The following CTBS variants were observed in gnomAD, a reference collection of about 807,000 sequenced individuals.
CTBS encodes di-N-acetylchitobiase.
A neutral mutation model predicts 44.3 loss-of-function variants in CTBS; 35 were observed. The ratio of observed to expected loss-of-function variants is 0.79; its 90% CI spans 0.60 to 1.05. The LOEUF (loss-of-function observed/expected upper bound fraction) is 1.05, where lower values mean the gene tolerates loss of function less well. Ranked by LOEUF, CTBS falls within the 50% of genes least tolerant of loss-of-function variation. The probability of loss-of-function intolerance (pLI) is 0.00; values close to 1 mark genes in which losing one functional copy is unlikely to be tolerated. For synonymous variants in CTBS, 143 were observed against 168.0 expected, an observed-to-expected ratio of 0.85 and a Z score of 1.15; for missense variants, 458 against 475.3, an observed-to-expected ratio of 0.96 and a Z score of 0.34.
rs1684260005 is a variant in CTBS, at chr1:84,551,180, T to C, written c.*3819A>G. 9.1e-6 allele frequency: 9 copies of C among 985,160 alleles called. No individual in the cohort carries two copies. The highest frequency in any genetic ancestry group is 6.2e-5 in the Admixed American group (1 of 16,244). The allele number at this position is 985,160 out of a possible 1,614,324, so 61.0% of individuals were successfully genotyped here. A position where few individuals can be genotyped will look rare whatever the true frequency, so the allele number is the denominator to read the frequency against. On this transcript the variant is annotated 3_prime_UTR_variant, in exon 7 of 7. Coordinates refer to ENST00000370630, the MANE Select transcript of CTBS (RefSeq NM_004388.3). ...TTGTTGAACAGAAAACAGAAGATTA[T>C]ACATTTTCATACAAGTACCCACAGC...
In CTBS at chr1:84,553,316, T is replaced by G; in HGVS notation, c.*1683A>C. 3.2e-6 allele frequency: 1 copy of G among 311,874 alleles called. No individual in the cohort carries two copies. The allele number at this position is 311,874 out of a possible 1,614,324, so 19.3% of individuals were successfully genotyped here. A position where few individuals can be genotyped will look rare whatever the true frequency, so the allele number is the denominator to read the frequency against. On this transcript the variant is annotated 3_prime_UTR_variant, in exon 7 of 7. Coordinates refer to ENST00000370630, the MANE Select transcript of CTBS (RefSeq NM_004388.3). ...TATAAAGCAAAATGATGAATGGTTA[T>G]TTTTAACATTCCAAGTCCTTTACAT...
At chr1:84,566,646 T>C (rs1347545150) in intron 3 of CTBS, among the ~76,000 whole-genome samples, 2 of 152,146 alleles carry the variant, frequency 1.3e-5, no homozygotes, top group Non-Finnish European at 2.9e-5. Flanking sequence ...CTTTCTTTTT[T>C]GGGGGGGATG....
rs1684337695 is a variant in CTBS at position 84,553,509 on chromosome 1, T to C, written c.*1490A>G. On this transcript the variant is annotated 3_prime_UTR_variant, in exon 7 of 7. Coordinates refer to ENST00000370630, the MANE Select transcript of CTBS (RefSeq NM_004388.3). ...ATTTGCATGAAAATACAGACTTCAT[T>C]TAACTTAATTTGTTCATTATATCTT... 6.6e-6 allele frequency: 1 copy of C among 152,354 alleles called. No homozygotes were observed. The highest frequency in any genetic ancestry group is 1.5e-5 in the Non-Finnish European group (1 of 68,212). 9.4% of individuals were successfully genotyped at this position (152,354 alleles called of 1,614,324 possible). A position where few individuals can be genotyped will look rare whatever the true frequency, so the allele number is the denominator to read the frequency against.
In CTBS at chr1:84,555,168, T is replaced by C. The variant is rs751093487; in HGVS notation, c.989A>G (p.Tyr330Cys). Residue 330 changes from tyrosine (Y) to cysteine (C), a missense_variant, in exon 7 of 7, where the codon TAT (tyrosine) becomes TGT (cysteine). Tyr to Cys is a radical substitution (Grantham distance 194). Transcript: ENST00000370630. ...DPAGHFHQVW[Y>C]DNPQSISLKA... ...TAAAGAAATACTCTGAGGGTTATCA[T>C]ACCATACTTGATGAAAGTGGCCAGC... 3 of 1,613,668 alleles carry C rather than the reference T, an allele frequency of 1.9e-6. No homozygotes were observed. Among genetic ancestry groups the C allele is most frequent in the African/African-American group, 2.7e-5 (2 of 74,882 alleles).
chr1:84,570,445 A>C, intron 2 of CTBS, 137 bp downstream of exon 2: 1 of 747,054 alleles, frequency 1.3e-6, no homozygotes, highest in Non-Finnish European at 2.2e-6. Flanking sequence ...AATGAATTAC[A>C]CAGTATCTAA....
chr1:84,574,102 C>A, intron 1 of CTBS, 137 bp downstream of exon 1: 1 of 1,474,866 alleles, frequency 6.8e-7, no homozygotes, highest in Non-Finnish European at 9.0e-7. Flanking sequence ...TTGAAGGATC[C>A]GTAAACAGGA....
intron 5 of CTBS, 25 bp downstream of exon 5, chr1:84,563,710 T>C (rs777609960): frequency 7.3e-7 from 1 of 1,374,460 alleles, no homozygotes; most frequent in East Asian, 2.4e-5. Flanking sequence ...ATAATAAAAA[T>C]TATGTAACAA....
chr1:84,566,407 T>A (rs1433155965), intron 3 of CTBS, among the ~76,000 whole-genome samples: 2 of 152,172 alleles, frequency 1.3e-5, no homozygotes, highest in African/African-American at 2.4e-5. Flanking sequence ...CAAAAGTTTT[T>A]AAAATATTGT....
intron 6 of CTBS, among the ~76,000 whole-genome samples, chr1:84,560,447 T>C (rs1684570279): frequency 1.3e-5 from 2 of 152,238 alleles, no homozygotes; most frequent in South Asian, 2.1e-4. Flanking sequence ...CAGTTCTACA[T>C]AGCTGTCCAT....
intron 6 of CTBS, among the ~76,000 whole-genome samples, chr1:84,557,622 G>C (rs1381417861): frequency 6.7e-6 from 1 of 150,374 alleles, no homozygotes; most frequent in Admixed American, 6.6e-5. Context: ...TTGGGAGGCC[G>C]AGATGGGCAG....
chr1:84,567,033 A>G (rs1252510078), intron 3 of CTBS, among the ~76,000 whole-genome samples: 2 of 152,156 alleles, frequency 1.3e-5, no homozygotes, highest in Admixed American at 6.5e-5. Context: ...TACATGTACA[A>G]ATGTTCTAAA....
intron 1 of CTBS, among the ~76,000 whole-genome samples, chr1:84,573,600 C>G (rs979804456): frequency 6.6e-6 from 1 of 152,204 alleles, no homozygotes; most frequent in African/African-American, 2.4e-5. Flanking sequence ...GCCTTTGGAC[C>G]TTCCTGATGT....
At position 84,551,123 on chromosome 1, in the gene CTBS, T is replaced by C; in HGVS notation, c.*3876A>G. 1.0e-6 allele frequency: 1 copy of C among 985,252 alleles called. No individual in the cohort carries two copies. Among genetic ancestry groups the C allele is most frequent in the Non-Finnish European group, 1.2e-6 (1 of 829,828 alleles). 61.0% of individuals were successfully genotyped at this position (985,252 alleles called of 1,614,324 possible). On this transcript the variant is annotated 3_prime_UTR_variant, in exon 7 of 7. Transcript: ENST00000370630. ...ACAACTAATTACATCATAGAAATTA[T>C]CTGTGAAGTACATATGTATTAAAAA...
In CTBS at chr1:84,551,271, GAC is replaced by G; in HGVS notation, c.*3726_*3727del. Reference sequence around the variant, plus strand: ...ATTTCTTTATCAGAAACAGCTTTATGACACAGAATAATGACTGCATTCTAGAA... The same window carrying G: ...ATTTCTTTATCAGAAACAGCTTTATGACAGAATAATGACTGCATTCTAGAA... On this transcript the variant is annotated 3_prime_UTR_variant, in exon 7 of 7. Transcript: ENST00000370630. 2.0e-6 allele frequency: 2 copies of G among 983,266 alleles called. No homozygotes were observed. Among genetic ancestry groups the G allele is most frequent in the Non-Finnish European group, 2.4e-6 (2 of 828,200 alleles). 60.9% of individuals were successfully genotyped at this position (983,266 alleles called of 1,614,324 possible).
At chr1:84,572,951 A>G (rs2102033554) in intron 1 of CTBS, among the ~76,000 whole-genome samples, 1 of 152,254 alleles carries the variant, frequency 6.6e-6, no homozygotes, top group Admixed American at 6.5e-5. Flanking sequence ...AGTGCTTCTC[A>G]ATCTCAAAAA....
chr1:84,574,126 G>A, intron 1 of CTBS, 113 bp downstream of exon 1: 1 of 1,512,728 alleles, frequency 6.6e-7, no homozygotes, highest in Non-Finnish European at 8.9e-7. Context: ...CCCTCATCGA[G>A]TGGTCAAAGC....
At position 84,570,680 on chromosome 1, in the gene CTBS, T is replaced by C; in HGVS notation, c.218A>G (p.Tyr73Cys). ...CACAGTTGTAATCTGTGACCAATCATAAGATTTCCAAGTTTTCTGTCCAAC... is the reference window on the plus strand; with the variant it reads ...CACAGTTGTAATCTGTGACCAATCACAAGATTTCCAAGTTTTCTGTCCAAC... ...FDVGQKTWKSYDWSQITTVAT... is the reference protein window; with the variant it reads ...FDVGQKTWKSCDWSQITTVAT... Residue 73 changes from tyrosine to cysteine, a missense_variant, in exon 2 of 7, where the codon TAT becomes TGT. Coordinates refer to ENST00000370630, the MANE Select transcript of CTBS (RefSeq NM_004388.3). The C allele has an allele frequency of 3.7e-6, 6 of 1,613,992 alleles. No individual in the cohort carries two copies. In the Admixed American group the frequency reaches 8.3e-5, roughly 22 times the overall value.
intron 6 of CTBS, among the ~76,000 whole-genome samples, chr1:84,555,463 T>A (rs1205442046): frequency 6.6e-6 from 1 of 152,256 alleles, no homozygotes; most frequent in Admixed American, 6.5e-5. Context: ...GATGGATTTA[T>A]CAGGGTATTT....
chr1:84,563,190 C>T, intron 6 of CTBS, 67 bp downstream of exon 6: 1 of 1,086,720 alleles, frequency 9.2e-7, no homozygotes, highest in Non-Finnish European at 1.2e-6. Flanking sequence ...TGATATCAAA[C>T]ATCTAATTAT....
Sources: gnomAD v4.1 joint callset for allele counts (sites outside exome capture counted in the v4.1 genomes callset) on GRCh38, gnomAD v4.1.1 for gene constraint, MANE v1.5 for transcripts, NCBI Gene and HGNC (gene_info 2026-07-23, HGNC 2026-07-21) for gene names.